The following PRB2 variants were observed in gnomAD, a reference collection of about 807,000 sequenced individuals.
The protein encoded by PRB2 is proline rich protein BstNI subfamily 2.
A neutral mutation model predicts 8.3 loss-of-function variants in PRB2; 12 were observed. That is an observed-to-expected ratio of 1.45 (90% CI 0.93 to 2.35). The LOEUF (loss-of-function observed/expected upper bound fraction) is 2.35, where lower values mean the gene tolerates loss of function less well. Ranked by LOEUF, PRB2 falls within the 30% of genes most tolerant of loss-of-function variation. The pLI, the probability that PRB2 is intolerant of heterozygous loss-of-function variation, is 0.00. For synonymous variants in PRB2, 146 were observed against 180.0 expected, an observed-to-expected ratio of 0.81 and a Z score of 1.51; for missense variants, 470 against 507.0, an observed-to-expected ratio of 0.93 and a Z score of 0.70.
chr12:11,394,111 A>C lies in PRB2; in HGVS notation c.101-134T>G. ...ACACAAAAATGAGACCAAGACATTA[A>C]TTTCTTTGCATTTCAGTGAAGACAT... On this transcript the variant is annotated intron_variant, in intron 2 of 3. Transcript: ENST00000389362. 2.4e-6 allele frequency: 3 copies of C among 1,258,562 alleles called. No individual in the cohort carries two copies. The African/African-American group carries it at 4.5e-5, about 19-fold the overall frequency. The allele number at this position is 1,258,562 out of a possible 1,614,324, so 78.0% of individuals were successfully genotyped here.
At chr12:11,394,140 A>G (rs1322448146) in intron 2 of PRB2, among the ~76,000 whole-genome samples, 163 bp from the exon 3 acceptor site, 1 of 152,160 alleles carries the variant, frequency 6.6e-6, no homozygotes, top group Non-Finnish European at 1.5e-5. Flanking sequence ...AAGACATAGA[A>G]CTCTGGAGTG....
intron 3 of PRB2, among the ~76,000 whole-genome samples, chr12:11,392,061 A>G (rs1387438791): frequency 3.3e-5 from 2 of 61,490 alleles, no homozygotes; most frequent in African/African-American, 1.6e-4. Context: ...ACAAACAGAT[A>G]ACCACTGAAG....
At chr12:11,394,398 C>T in intron 2 of PRB2, 97 bp downstream of exon 2, 1 of 1,439,328 alleles carries the variant, frequency 6.9e-7, no homozygotes, top group Admixed American at 1.7e-5. Context: ...TAATCAATTC[C>T]CGAAAGGAAA....
intron 2 of PRB2, among the ~76,000 whole-genome samples, chr12:11,394,281 G>C (rs540457746): frequency 2.3e-4 from 35 of 152,262 alleles, no homozygotes; most frequent in Admixed American, 9.2e-4. Context: ...ACCCACTCCT[G>C]CTGTCATCTA....
intron 1 of PRB2, among the ~76,000 whole-genome samples, chr12:11,394,947 A>T (rs542539564): frequency 6.6e-6 from 1 of 152,088 alleles, no homozygotes; most frequent in South Asian, 2.1e-4. Flanking sequence ...CTCCCAGCAC[A>T]TTGAAATACT....
In PRB2 at chr12:11,393,386, T is replaced by G. The variant is rs1413619710; in HGVS notation, c.692A>C (p.Lys231Thr). 6.3e-7 allele frequency: 1 copy of G among 1,586,530 alleles called. No individual in the cohort carries two copies. The highest frequency in any genetic ancestry group is 8.5e-7 in the Non-Finnish European group (1 of 1,172,690). Residue 231 changes from lysine to threonine, a missense_variant, in exon 3 of 4, where the codon AAG becomes ACG. This residue lies in a region of PRB2 where 205 missense variants were observed against 195.0 expected (regional missense o/e 1.05). Transcript: ENST00000389362. The part of the protein sequence containing the change: ...PQGPPPQGDN[K>T]SQSARSPPGK... ...TGGAGGAGATCGGGCACTTTGGGAC[T>G]TGTTGTCTCCTTGTGGGGGTGGTCC...
rs777785588 is a variant in PRB2 at position 11,395,565 on chromosome 12, G to T, written c.-36C>A. On this transcript the variant is annotated 5_prime_UTR_variant, in exon 1 of 4. Transcript: ENST00000389362. The stretch of plus-strand genomic sequence containing the variant: ...GCTCTGGAGTCACTCCCAACTCTGT[G>T]CTGGGAGGAACGTGGCAACTCCCTT... The T allele has an allele frequency of 2.5e-6, 4 of 1,592,886 alleles. No individual in the cohort carries two copies. The highest frequency in any genetic ancestry group is 3.4e-6 in the Non-Finnish European group (4 of 1,162,230).
At chr12:11,394,025 G>T (rs1864367987) in intron 2 of PRB2, 48 bp from the exon 3 acceptor site, 8 of 1,610,976 alleles carry the variant, frequency 5.0e-6, no homozygotes, top group South Asian at 3.3e-5. Flanking sequence ...GCCCATACAA[G>T]ATTCCCTGAA....
At chr12:11,395,149 G>A (rs1864389824) in intron 1 of PRB2, among the ~76,000 whole-genome samples, 1 of 152,034 alleles carries the variant, frequency 6.6e-6, no homozygotes, top group African/African-American at 2.4e-5. Context: ...ACTGAGATCA[G>A]TTTAGGATCT....
chr12:11,394,690 G>T (rs140288820), intron 1 of PRB2, among the ~76,000 whole-genome samples, 160 bp from the exon 2 acceptor site: 1,851 of 152,272 alleles, frequency 0.012, 37 homozygotes, highest in African/African-American at 0.042. Flanking sequence ...GGAGGAAGGT[G>T]TAAGGGGAGG....
chr12:11,395,019 C>A (rs899271897), intron 1 of PRB2, among the ~76,000 whole-genome samples: 1 of 152,086 alleles, frequency 6.6e-6, no homozygotes, highest in Non-Finnish European at 1.5e-5. Context: ...TCTAGTTAAA[C>A]AGAGACAAGT....
Position 11,393,847 on chromosome 12 carries a change from C to T in PRB2, c.231G>A (p.Lys77=), listed in dbSNP as rs71443675. ...QPQGPPPPPG[K]PQGPPPQGGN... is the part of the protein sequence containing the mutation. ...CTCCTTGTGGGGGTGGTCCTTGTGGCTTTCCTGGAGGAGGTGGGGGACCTT... is the reference window on the plus strand; with the variant it reads ...CTCCTTGTGGGGGTGGTCCTTGTGGTTTTCCTGGAGGAGGTGGGGGACCTT... The change falls in exon 3 of 4, where the codon AAG becomes AAA. Residue 77 remains lysine (K), a synonymous_variant. Transcript: ENST00000389362. The T allele has an allele frequency of 0.15, 187,518 of 1,232,050 alleles. 22,224 individuals are homozygous for T. The highest frequency in any genetic ancestry group is 0.25 in the South Asian group (19,148 of 75,650). 76.3% of individuals were successfully genotyped at this position (1,232,050 alleles called of 1,614,324 possible). A position where few individuals can be genotyped will look rare whatever the true frequency, so the allele number is the denominator to read the frequency against.
chr12:11,394,374 A>C, intron 2 of PRB2, 121 bp downstream of exon 2: 1 of 1,245,216 alleles, frequency 8.0e-7, no homozygotes, highest in Admixed American at 1.7e-5. Flanking sequence ...CTATATTATT[A>C]GGAGCACTAA....
intron 1 of PRB2, 60 bp from the exon 2 acceptor site, chr12:11,394,590 A>G (rs1864380803): frequency 2.5e-6 from 4 of 1,586,724 alleles, no homozygotes; most frequent in Non-Finnish European, 1.7e-6. Context: ...AAGACTCACA[A>G]GTGTTCTACA....
rs1484252028 is a variant in PRB2 at position 11,394,579 on chromosome 12, C to T, written c.65-49G>A. 3 of 1,597,162 alleles carry T rather than the reference C, an allele frequency of 1.9e-6. No individual in the cohort carries two copies. In the South Asian group the frequency reaches 3.3e-5, roughly 18 times the overall value. On this transcript the variant is annotated intron_variant, in intron 1 of 3. Transcript: ENST00000389362. The stretch of plus-strand genomic sequence containing the variant: ...GGGAACAGTTACATCTTGAACCTTA[C>T]AAGACTCACAAGTGTTCTACAGGGA...
In PRB2 at chr12:11,393,752, C is replaced by A; in HGVS notation, c.326G>T (p.Arg109Leu). ...QGPPPQGDKS[R>L]SPRSPPGKPQ... ...CTTTCCTGGAGGAGATCGGGGACTT[C>A]GGGACTTGTCTCCTTGTGGGGGTGG... Residue 109 changes from arginine to leucine, a missense_variant, in exon 3 of 4, where the codon CGA becomes CTA. Physicochemically the swap from Arg to Leu is moderately radical, Grantham distance 102 (BLOSUM62 -2). This residue lies in a region of PRB2 where 211 missense variants were observed against 207.7 expected (regional missense o/e 1.02). Transcript: ENST00000389362. 1 of 461,254 alleles carries A rather than the reference C, an allele frequency of 2.2e-6. No homozygotes were observed. The highest frequency in any genetic ancestry group is 3.4e-6 in the Non-Finnish European group (1 of 290,836). The allele number at this position is 461,254 out of a possible 1,614,324, so 28.6% of individuals were successfully genotyped here.
At position 11,393,368 on chromosome 12, in the gene PRB2, G is replaced by C. The variant is rs570291712; in HGVS notation, c.710C>G (p.Ser237Cys). The C allele has an allele frequency of 4.0e-5, 63 of 1,594,826 alleles. No homozygotes were observed. Among genetic ancestry groups the C allele is most frequent in the Non-Finnish European group, 1.7e-6 (2 of 1,176,272 alleles). The change falls in exon 3 of 4, where the codon TCT becomes TGT. Residue 237 changes from serine (S) to cysteine (C), a missense_variant. Ser to Cys is a moderately radical substitution (Grantham distance 112). Transcript: ENST00000389362. ...QGDNKSQSARSPPGKPQGPPP... is the reference protein window; with the variant it reads ...QGDNKSQSARCPPGKPQGPPP... ...TGGTCCTTGTGGCTTTCCTGGAGGA[G>C]ATCGGGCACTTTGGGACTTGTTGTC...
rs367985797 is a variant in PRB2, at chr12:11,392,999, C to A, written c.1079G>T (p.Arg360Leu). The change falls in exon 3 of 4, where the codon CGA (arginine) becomes CTA (leucine). Residue 360 changes from arginine (R) to leucine (L), a missense_variant. By Grantham distance (102) the Arg-to-Leu change is moderately radical. This residue lies in a region of PRB2 where 205 missense variants were observed against 195.0 expected (regional missense o/e 1.05). Coordinates refer to ENST00000389362, the MANE Select transcript of PRB2 (RefSeq NM_006248.4). The part of the protein sequence containing the change: ...PQGGSKSRSA[R>L]SPPGKPQGPP... ...TCCTTGTGGCTTTCCTGGAGGAGAT[C>A]GGGCACTTCGGGACTTGCTGCCTCC... is the stretch of plus-strand genomic sequence containing the variant. 2 of 1,609,432 alleles carry A rather than the reference C, an allele frequency of 1.2e-6. No individual in the cohort carries two copies. The highest frequency in any genetic ancestry group is 2.7e-5 in the African/African-American group (2 of 73,542).
At chr12:11,395,398 C>G in intron 1 of PRB2, 68 bp downstream of exon 1, 3 of 1,597,142 alleles carry the variant, frequency 1.9e-6, no homozygotes, top group Non-Finnish European at 2.6e-6. Context: ...CTCTCTTCCC[C>G]GTAATTACCA....
Sources: gnomAD v4.1 joint callset for allele counts (sites outside exome capture counted in the v4.1 genomes callset) on GRCh38, gnomAD v4.1.1 for gene constraint, gnomAD v4.1.1 regional missense constraint, MANE v1.5 for transcripts, NCBI Gene and HGNC (gene_info 2026-07-23, HGNC 2026-07-21) for gene names.